The following AFAP1 variants were observed in gnomAD, a reference collection of about 807,000 sequenced individuals.
AFAP1 encodes actin filament-associated protein 1.
In AFAP1, 75 loss-of-function variants were observed where a neutral mutation model predicts 93.9. The ratio of observed to expected loss-of-function variants is 0.80; its 90% CI spans 0.66 to 0.97. The LOEUF (loss-of-function observed/expected upper bound fraction) is 0.97. Among genes scored for constraint, AFAP1 ranks in the 50% least tolerant of loss-of-function variants. The probability of loss-of-function intolerance (pLI) is 0.00; values close to 1 mark genes in which losing one functional copy is unlikely to be tolerated. For synonymous variants in AFAP1, 517 were observed against 430.7 expected (o/e 1.20, Z -2.48); for missense variants, 1,201 against 1,050.8 (o/e 1.14, Z -1.98).
chr4:7,786,344 C>G (rs1329973298), intron 11 of AFAP1, 33 bp from the exon 12 acceptor site: 1 of 1,556,016 alleles, frequency 6.4e-7, no homozygotes, highest in South Asian at 1.1e-5. Context: ...AAATCCATAA[C>G]CTGACCACCT....
rs867634559 is a variant in AFAP1, at chr4:7,843,334, C to T, written c.351G>A (p.Ala117=). ...EYITSNYDSD[A]MSSSYESYDE... ...CATACGACTCATAAGAGCTGCTCAT[C>T]GCATCGGAATCATAATCTGTAAAAA... The change falls in exon 5 of 18, where the codon GCG becomes GCA. Residue 117 remains alanine (A), a synonymous_variant. Transcript: ENST00000420658. The T allele has an allele frequency of 3.7e-6, 6 of 1,613,468 alleles. No individual in the cohort carries two copies. The Admixed American group carries it at 5.0e-5, about 13-fold the overall frequency.
At chr4:7,819,945 C>G (rs1720817462) in intron 6 of AFAP1, among the ~76,000 whole-genome samples, 1 of 152,140 alleles carries the variant, frequency 6.6e-6, no homozygotes, top group Non-Finnish European at 1.5e-5. Flanking sequence ...GGTTAAATGC[C>G]CCAAGACAGG....
intron 17 of AFAP1, among the ~76,000 whole-genome samples, chr4:7,768,172 T>A (rs1714887159): frequency 6.6e-6 from 1 of 152,198 alleles, no homozygotes; most frequent in African/African-American, 2.4e-5. Flanking sequence ...CCGGCCACAC[T>A]CCTGTGGCTC....
In AFAP1 at chr4:7,939,855, G is replaced by T. The variant is rs182808235; in HGVS notation, c.-202C>A. 2,122 of 240,636 alleles carry T rather than the reference G, an allele frequency of 8.8e-3. 52 individuals are homozygous for T. The highest frequency in any genetic ancestry group is 0.048 in the African/African-American group (2,000 of 42,064). The allele number at this position is 240,636 out of a possible 1,614,324, so 14.9% of individuals were successfully genotyped here. A position where few individuals can be genotyped will look rare whatever the true frequency, so the allele number is the denominator to read the frequency against. ...GCAGCCGGCGTGGGGCTGCGGCCGGGACAGACACCACGCAGGCGCACACGG... is the reference window on the plus strand; with the variant it reads ...GCAGCCGGCGTGGGGCTGCGGCCGGTACAGACACCACGCAGGCGCACACGG... On this transcript the variant is annotated 5_prime_UTR_variant, in exon 1 of 18. Transcript: ENST00000420658. This position sits in a 1 kb window ranked among gnomAD's most constrained non-coding sequence, Gnocchi z 5.6.
intron 3 of AFAP1, among the ~76,000 whole-genome samples, chr4:7,864,165 CCACAGGT>C (rs1716130886): frequency 1.8e-5 from 1 of 54,914 alleles, no homozygotes; most frequent in Admixed American, 1.8e-4. Flanking sequence ...TCATCACAAC[CCACAGGT>C]CCTTTGTAAT....
Position 7,762,957 on chromosome 4 carries a change from G to C in AFAP1, c.*808C>G, listed in dbSNP as rs934198066. 1 of 152,220 alleles carries C rather than the reference G, an allele frequency of 6.6e-6. No individual in the cohort carries two copies. The highest frequency in any genetic ancestry group is 1.5e-5 in the Non-Finnish European group (1 of 68,072). 9.4% of individuals were successfully genotyped at this position (152,220 alleles called of 1,614,324 possible). On this transcript the variant is annotated 3_prime_UTR_variant, in exon 18 of 18. Coordinates refer to ENST00000420658, the MANE Select transcript of AFAP1 (RefSeq NM_001134647.2). ...TAAGGGCTGGGGATGCTAGCCCAAG[G>C]GGGAGGAGGGTGTACTGTTAGTGAA...
intron 1 of AFAP1, among the ~76,000 whole-genome samples, chr4:7,937,748 A>C (rs1300929983): frequency 6.6e-6 from 1 of 152,074 alleles, no homozygotes; most frequent in Non-Finnish European, 1.5e-5. Context: ...CGACCTCCCA[A>C]AGTTCTGGGA....
rs754396715 is a variant in AFAP1, at chr4:7,773,043, G to T, written c.2063-33C>A. 16 of 1,591,280 alleles carry T rather than the reference G, an allele frequency of 1.0e-5. No homozygotes were observed. In the East Asian group the frequency reaches 3.6e-4, roughly 36 times the overall value. ...TCCCAGAAACGCCGTTACTCCCGCG[G>T]CAGGCACAGGTTCTCCAAACAACAG... On this transcript the variant is annotated intron_variant, in intron 15 of 17. Coordinates refer to ENST00000420658, the MANE Select transcript of AFAP1 (RefSeq NM_001134647.2).
In AFAP1 at chr4:7,762,090, G is replaced by C. The variant is rs553419087; in HGVS notation, c.*1675C>G. The C allele has an allele frequency of 6.6e-6, 1 of 152,362 alleles. No homozygotes were observed. The highest frequency in any genetic ancestry group is 1.5e-5 in the Non-Finnish European group (1 of 68,044). 9.4% of individuals were successfully genotyped at this position (152,362 alleles called of 1,614,324 possible). On this transcript the variant is annotated 3_prime_UTR_variant, in exon 18 of 18. Coordinates refer to ENST00000420658, the MANE Select transcript of AFAP1 (RefSeq NM_001134647.2). ...GGTGGACTCAAGCAGCTTCCAATTC[G>C]TGTTGTAAAACTTTTTCTTATACAT...
rs557178488 is a variant in AFAP1, at chr4:7,781,125, G to A, written c.1782+251C>T. Among the ~76,000 whole-genome samples, 3 of 152,242 alleles carry A rather than the reference G, an allele frequency of 2.0e-5. No individual in the cohort carries two copies. The South Asian group carries it at 6.2e-4, about 32-fold the overall frequency. ...TGACATAATTCACAAAATTTCACTG[G>A]GGAATTTTCCAAGAACAGAAAGAGA... On this transcript the variant is annotated intron_variant, in intron 13 of 17. Transcript: ENST00000420658.
Position 7,922,494 on chromosome 4 carries a change from G to A in AFAP1, c.-3+17162C>T, listed in dbSNP as rs1237253052. Among the ~76,000 whole-genome samples the A allele has an allele frequency of 3.3e-5, 5 of 152,198 alleles. No individual in the cohort carries two copies. In the South Asian group the frequency reaches 8.3e-4, roughly 25 times the overall value. On this transcript the variant is annotated intron_variant, in intron 1 of 17. Transcript: ENST00000420658. ...CCCAGATGGAGATAAGAACATAGGC[G>A]AAGAAGATGAAGAGACGAGAAAGTA...
chr4:7,788,511 C>T (rs1424230393), intron 11 of AFAP1: 1 of 152,180 alleles, frequency 6.6e-6, no homozygotes, highest in Non-Finnish European at 1.5e-5. Flanking sequence ...TAAACTTTTT[C>T]CTTTGCTTAT....
chr4:7,773,229 A>G, intron 15 of AFAP1: 1 of 645,554 alleles, frequency 1.5e-6, no homozygotes, highest in Admixed American at 3.3e-5. Flanking sequence ...GACTCGGACC[A>G]GGAAAGAGGA....
intron 1 of AFAP1, among the ~76,000 whole-genome samples, chr4:7,884,066 G>A (rs1718007271): frequency 6.6e-6 from 1 of 152,108 alleles, no homozygotes; most frequent in Non-Finnish European, 1.5e-5. Context: ...GCAATAGTGA[G>A]TGAGTCCCAC....
chr4:7,802,677 T>A (rs1347268969), intron 9 of AFAP1, among the ~76,000 whole-genome samples: 1 of 149,678 alleles, frequency 6.7e-6, no homozygotes, highest in Non-Finnish European at 1.5e-5. Flanking sequence ...AGTCTTGCTC[T>A]GTAGCCCAGG....
At chr4:7,833,093 G>A (rs1711825158) in intron 6 of AFAP1, among the ~76,000 whole-genome samples, 1 of 152,154 alleles carries the variant, frequency 6.6e-6, no homozygotes, top group Admixed American at 6.5e-5. Context: ...ATTGGCTTAG[G>A]CAAGGACTTC....
intron 1 of AFAP1, among the ~76,000 whole-genome samples, chr4:7,932,698 C>G (rs753619514): frequency 2.6e-5 from 4 of 152,164 alleles, no homozygotes; most frequent in Non-Finnish European, 4.4e-5. Flanking sequence ...CACCAACAGC[C>G]TCACATCAAG....
intron 13 of AFAP1, among the ~76,000 whole-genome samples, chr4:7,780,152 C>T (rs1449129839): frequency 6.6e-6 from 1 of 152,180 alleles, no homozygotes; most frequent in East Asian, 1.9e-4. Flanking sequence ...AACCTGACAA[C>T]TTTTTGGCAT....
chr4:7,861,420 G>A (rs1006052714), intron 3 of AFAP1, among the ~76,000 whole-genome samples: 17 of 152,268 alleles, frequency 1.1e-4, no homozygotes, highest in African/African-American at 3.1e-4. Flanking sequence ...CTAACACTAA[G>A]AATTCTGAGT....
Sources: gnomAD v4.1 joint callset for allele counts (sites outside exome capture counted in the v4.1 genomes callset) on GRCh38, gnomAD v4.1.1 for gene constraint, Gnocchi (gnomAD v3.1) non-coding constraint, MANE v1.5 for transcripts, NCBI Gene and HGNC (gene_info 2026-07-23, HGNC 2026-07-21) for gene names.